The following C12orf42 variants were observed in gnomAD, a reference collection of about 807,000 sequenced individuals.
C12orf42 encodes chromosome 12 open reading frame 42, also known as uncharacterized protein C12orf42.
A neutral mutation model predicts 21.6 loss-of-function variants in C12orf42; 25 were observed. The ratio of observed to expected loss-of-function variants is 1.16; its 90% CI spans 0.84 to 1.62. C12orf42 has a LOEUF of 1.62. Among genes scored for constraint, C12orf42 ranks in the 40% most tolerant of loss-of-function variants. The probability of loss-of-function intolerance (pLI) is 0.00; values close to 1 mark genes in which losing one functional copy is unlikely to be tolerated. For missense variants in C12orf42, 483 were observed against 459.3 expected (o/e 1.05, Z -0.47); for synonymous variants, 174 against 175.0 (o/e 0.99, Z 0.05).
chr12:103,096,242 A>G, the C12orf42 span, among the ~76,000 whole-genome samples: 1 of 152,238 alleles, frequency 6.6e-6, no homozygotes, highest in South Asian at 2.1e-4. Flanking sequence ...GTAAAGGCAT[A>G]CAGTGCCCAA....
chr12:103,219,419 T>C, the C12orf42 span, among the ~76,000 whole-genome samples: 1 of 152,116 alleles, frequency 6.6e-6, no homozygotes, highest in Non-Finnish European at 1.5e-5. Flanking sequence ...TGGGATCTAA[T>C]TAAACTAAAG....
chr12:103,470,816 C>T (rs1953540806), intron 2 of C12orf42, among the ~76,000 whole-genome samples: 1 of 152,144 alleles, frequency 6.6e-6, no homozygotes, highest in African/African-American at 2.4e-5. Context: ...ACAGTTCCAG[C>T]TGAATGCAGC....
chr12:103,272,850 C>G (rs1022977326), intron 5 of C12orf42, among the ~76,000 whole-genome samples: 1 of 152,164 alleles, frequency 6.6e-6, no homozygotes, highest in African/African-American at 2.4e-5. Flanking sequence ...AAGGAATGAT[C>G]GGGCCTCCTG....
the C12orf42 span, among the ~76,000 whole-genome samples, chr12:103,147,503 C>CTT: frequency 1.0e-5 from 1 of 99,970 alleles, no homozygotes; most frequent in African/African-American, 4.0e-5. Context: ...CTTTTTTTTT[C>CTT]TTTTTTTTTT....
intron 1 of C12orf42, among the ~76,000 whole-genome samples, chr12:103,486,965 G>C (rs141951494): frequency 1.6e-4 from 24 of 152,222 alleles, no homozygotes; most frequent in African/African-American, 5.5e-4. Context: ...ATTCAGTTCT[G>C]CTCTGATCTT....
At chr12:103,416,692 TACAA>T (rs1234763977) in intron 2 of C12orf42, among the ~76,000 whole-genome samples, 1 of 152,236 alleles carries the variant, frequency 6.6e-6, no homozygotes, top group African/African-American at 2.4e-5. Flanking sequence ...GTAACTATTT[TACAA>T]ACACTCTATT....
At chr12:103,518,938 G>A in the C12orf42 span, among the ~76,000 whole-genome samples, 3 of 152,130 alleles carry the variant, frequency 2.0e-5, no homozygotes, top group Admixed American at 6.6e-5. Context: ...TTGATATGGT[G>A]AGGCTTTGTG....
the C12orf42 span, among the ~76,000 whole-genome samples, chr12:103,219,571 A>G: frequency 6.6e-6 from 1 of 152,224 alleles, no homozygotes; most frequent in Non-Finnish European, 1.5e-5. Flanking sequence ...CAAGAAAAAA[A>G]CAAATAAGCC....
the C12orf42 span, among the ~76,000 whole-genome samples, chr12:103,153,963 T>C: frequency 7.6e-6 from 1 of 131,298 alleles, no homozygotes; most frequent in African/African-American, 2.9e-5. Context: ...TACAGTGCAG[T>C]ACTAGACTGT....
the C12orf42 span, among the ~76,000 whole-genome samples, chr12:103,084,947 C>T: frequency 6.6e-6 from 1 of 152,100 alleles, no homozygotes; most frequent in East Asian, 1.9e-4. Context: ...CAAAGTCAAG[C>T]CTACAGGTTT....
intron 2 of C12orf42, among the ~76,000 whole-genome samples, chr12:103,428,268 A>G (rs548441605): frequency 1.2e-4 from 19 of 152,266 alleles, no homozygotes; most frequent in African/African-American, 3.6e-4. Flanking sequence ...CAGACACAGT[A>G]AAAGATGATA....
At chr12:103,506,460 T>G in the C12orf42 span, among the ~76,000 whole-genome samples, 1 of 151,990 alleles carries the variant, frequency 6.6e-6, no homozygotes, top group East Asian at 1.9e-4. Flanking sequence ...TCCTGTAAGA[T>G]TATAATATCT....
chr12:103,242,961 C>A (rs1023221252), intron 10 of C12orf42, among the ~76,000 whole-genome samples: 1 of 152,088 alleles, frequency 6.6e-6, no homozygotes, highest in Non-Finnish European at 1.5e-5. Context: ...GCATTATTGT[C>A]ATGACTATTA....
chr12:103,140,370 A>C, the C12orf42 span, among the ~76,000 whole-genome samples: 10 of 152,224 alleles, frequency 6.6e-5, no homozygotes, highest in African/African-American at 2.4e-4. Flanking sequence ...GCAGAATGCC[A>C]ACCTATGTCT....
At chr12:103,137,698 A>G in the C12orf42 span, among the ~76,000 whole-genome samples, 2 of 152,216 alleles carry the variant, frequency 1.3e-5, no homozygotes, top group Non-Finnish European at 2.9e-5. Flanking sequence ...TCCATAAAAC[A>G]TAGAAATCAT....
chr12:103,520,986 C>T, the C12orf42 span, among the ~76,000 whole-genome samples: 2 of 152,336 alleles, frequency 1.3e-5, no homozygotes, highest in South Asian at 2.1e-4. Context: ...CTGACATCTA[C>T]TATAGTGCTT....
At chr12:103,160,340 G>A in the C12orf42 span, among the ~76,000 whole-genome samples, 52 of 152,258 alleles carry the variant, frequency 3.4e-4, no homozygotes, top group East Asian at 1.9e-3. Flanking sequence ...TTCCTAGAAA[G>A]GTGTCCAGTT....
At chr12:103,478,175 T>C (rs1236936054) in intron 2 of C12orf42, 174 bp downstream of exon 2, 2 of 527,056 alleles carry the variant, frequency 3.8e-6, no homozygotes, top group Non-Finnish European at 6.6e-6. Flanking sequence ...TGAAGGCATT[T>C]AAAATTATGC....
intron 4 of C12orf42, among the ~76,000 whole-genome samples, chr12:103,335,505 C>G (rs1423152322): frequency 6.6e-6 from 1 of 152,096 alleles, no homozygotes; most frequent in African/African-American, 2.4e-5. Flanking sequence ...GATAAAAATA[C>G]CTAAGTTTGC....
Sources: allele counts gnomAD v4.1 joint callset (sites outside exome capture counted in the v4.1 genomes callset), GRCh38; gene constraint gnomAD v4.1.1; transcripts MANE v1.5; gene names NCBI Gene and HGNC (gene_info 2026-07-23, HGNC 2026-07-21).